The following WDR7 variants were observed in gnomAD, a reference collection of about 807,000 sequenced individuals.
WDR7 encodes the protein WD repeat-containing protein 7.
A neutral mutation model predicts 169.4 loss-of-function variants in WDR7; 46 were observed. The observed-to-expected ratio is 0.27, with a 90% CI of 0.21 to 0.35. WDR7 has a LOEUF of 0.35. Ranked by LOEUF, WDR7 falls within the 10% of genes least tolerant of loss-of-function variation. The probability of loss-of-function intolerance (pLI) is 1.00; values close to 1 mark genes in which losing one functional copy is unlikely to be tolerated. For missense variants in WDR7, 1,534 were observed against 1,859.3 expected, an observed-to-expected ratio of 0.83 and a Z score of 3.22; for synonymous variants, 612 against 666.8, an observed-to-expected ratio of 0.92 and a Z score of 1.27.
intron 13 of WDR7, among the ~76,000 whole-genome samples, chr18:56,719,231 G>A (rs183508723): frequency 1.3e-5 from 2 of 152,196 alleles, no homozygotes; most frequent in Admixed American, 1.3e-4. Context: ...TAACATTTTT[G>A]GCACATGTCT....
intron 19 of WDR7, among the ~76,000 whole-genome samples, chr18:56,807,474 G>T (rs774835267): frequency 1.1e-4 from 16 of 152,164 alleles, no homozygotes; most frequent in Middle Eastern, 6.8e-3. Flanking sequence ...GAAGCATCAG[G>T]CTTGATTTTT....
chr18:56,869,730 CTTTAT>C (rs745813047), intron 20 of WDR7, among the ~76,000 whole-genome samples: 13 of 152,126 alleles, frequency 8.5e-5, no homozygotes, highest in Non-Finnish European at 1.8e-4. Flanking sequence ...AACTTAAAAA[CTTTAT>C]TTTATTTACT....
intron 22 of WDR7, among the ~76,000 whole-genome samples, chr18:56,927,493 G>A (rs1278078700): frequency 6.6e-6 from 1 of 152,008 alleles, no homozygotes; most frequent in Admixed American, 6.6e-5. Flanking sequence ...ATACACCTGT[G>A]GTCCCAGCTA....
At chr18:56,968,422 C>G (rs1396074715) in intron 26 of WDR7, among the ~76,000 whole-genome samples, 1 of 152,158 alleles carries the variant, frequency 6.6e-6, no homozygotes, top group East Asian at 1.9e-4. Context: ...TTCAGTATTT[C>G]AGAATCATGT....
At chr18:56,713,394 G>A (rs1256862897) in intron 12 of WDR7, among the ~76,000 whole-genome samples, 1 of 152,014 alleles carries the variant, frequency 6.6e-6, no homozygotes, top group Non-Finnish European at 1.5e-5. Flanking sequence ...ATATGTATTT[G>A]TGCATCTATT....
chr18:57,030,449 A>G (rs1427656814), downstream of WDR7: 1 of 152,206 alleles, frequency 6.6e-6, no homozygotes, highest in Non-Finnish European at 1.5e-5. Context: ...ATGTTTTAAC[A>G]TCTCATGACT....
intron 26 of WDR7, among the ~76,000 whole-genome samples, chr18:56,977,444 A>G (rs1288974200): frequency 6.6e-6 from 1 of 152,196 alleles, no homozygotes; most frequent in Non-Finnish European, 1.5e-5. Context: ...CCGCTTCCCC[A>G]TGGCTTCATT....
chr18:56,718,287 ATTGT>A lies in WDR7; in HGVS notation c.1774+131_1774+134del, dbSNP rs1332691965. 1.3e-5 allele frequency: 13 copies of A among 1,020,356 alleles called. No individual in the cohort carries two copies. In the African/African-American group the frequency reaches 1.3e-4, roughly 10 times the overall value. The allele number at this position is 1,020,356 out of a possible 1,614,324, so 63.2% of individuals were successfully genotyped here. ...AAAATAGTTGCTACTTTTATTTCTAATTGTTTAAGTGGCCTCTTTTTTGTTCTGC... is the reference window on the plus strand; with the variant it reads ...AAAATAGTTGCTACTTTTATTTCTAATTAAGTGGCCTCTTTTTTGTTCTGC... On this transcript the variant is annotated intron_variant, in intron 13 of 27. Transcript: ENST00000254442.
chr18:57,012,043 G>A (rs986620141), intron 26 of WDR7, among the ~76,000 whole-genome samples: 1 of 152,182 alleles, frequency 6.6e-6, no homozygotes, highest in African/African-American at 2.4e-5. Flanking sequence ...GAGGCTGCTG[G>A]TGAGAGAGAT....
intron 7 of WDR7, among the ~76,000 whole-genome samples, chr18:56,689,345 C>T (rs1032614177): frequency 1.3e-5 from 2 of 152,212 alleles, no homozygotes; most frequent in Admixed American, 6.5e-5. Context: ...ACTGTAACCT[C>T]TGCCTCTCAG....
chr18:56,922,135 A>G (rs1349028257), intron 21 of WDR7, among the ~76,000 whole-genome samples: 1 of 152,220 alleles, frequency 6.6e-6, no homozygotes, highest in Admixed American at 6.5e-5. Context: ...TCCAAGAAGT[A>G]AAAAATAAAC....
intron 19 of WDR7, among the ~76,000 whole-genome samples, chr18:56,803,585 G>A (rs1005011556): frequency 7.2e-5 from 11 of 152,114 alleles, no homozygotes; most frequent in African/African-American, 2.4e-4. Context: ...TTTTAAAAAG[G>A]CATAAGTAAA....
rs530305459 is a variant in WDR7, at chr18:56,835,101, A to G, written c.3304+18957A>G. On this transcript the variant is annotated intron_variant, in intron 20 of 27. Coordinates refer to ENST00000254442, the MANE Select transcript of WDR7 (RefSeq NM_015285.3). ...ACTCAATATAAAGTAACCCTTTTGCAGTGTCTCATTAGCTCAGTGTTTAAG... is the reference window on the plus strand; with the variant it reads ...ACTCAATATAAAGTAACCCTTTTGCGGTGTCTCATTAGCTCAGTGTTTAAG... Among the ~76,000 whole-genome samples the G allele has an allele frequency of 2.0e-5, 3 of 152,294 alleles. No homozygotes were observed. The South Asian group carries it at 6.2e-4, about 32-fold the overall frequency.
At chr18:56,789,730 A>G (rs904065287) in intron 19 of WDR7, among the ~76,000 whole-genome samples, 1 of 152,154 alleles carries the variant, frequency 6.6e-6, no homozygotes, top group Non-Finnish European at 1.5e-5. Context: ...GTCTCTCCCT[A>G]TCTTTATACC....
intron 21 of WDR7, among the ~76,000 whole-genome samples, chr18:56,920,970 A>C (rs548541358): frequency 1.3e-5 from 2 of 152,288 alleles, no homozygotes; most frequent in East Asian, 3.9e-4. Context: ...GAAAGGAATA[A>C]ATTTAGCTAT....
At chr18:56,818,178 A>G (rs1475608887) in intron 20 of WDR7, among the ~76,000 whole-genome samples, 1 of 152,244 alleles carries the variant, frequency 6.6e-6, no homozygotes, top group Non-Finnish European at 1.5e-5. Flanking sequence ...GTAGTTGTTT[A>G]AGTCATAGCA....
rs2044318480 is a variant in WDR7 at position 56,781,577 on chromosome 18, A to G, written c.3111A>G (p.Arg1037=). 1.2e-6 allele frequency: 2 copies of G among 1,612,608 alleles called. No individual in the cohort carries two copies. Among genetic ancestry groups the G allele is most frequent in the Non-Finnish European group, 1.7e-6 (2 of 1,179,274 alleles). The change falls in exon 19 of 28, where the codon AGA becomes AGG. Residue 1037 remains arginine (R), a synonymous_variant. Coordinates refer to ENST00000254442, the MANE Select transcript of WDR7 (RefSeq NM_015285.3). ...AQALLLAELR[R]IEQAGRKEAI... Reference sequence around the variant, plus strand: ...CCCTGCTTCTGGCGGAACTGAGAAGAATTGAGCAGGCAGGCAGGAAGGAAG... The same window carrying G: ...CCCTGCTTCTGGCGGAACTGAGAAGGATTGAGCAGGCAGGCAGGAAGGAAG...
chr18:56,664,938 G>T (rs902314679), intron 1 of WDR7, among the ~76,000 whole-genome samples: 1 of 152,160 alleles, frequency 6.6e-6, no homozygotes, highest in African/African-American at 2.4e-5. Flanking sequence ...ATAAATACTT[G>T]TTAAAGTTAA....
chr18:56,652,571 C>G (rs2024679951), intron 1 of WDR7, among the ~76,000 whole-genome samples: 1 of 152,118 alleles, frequency 6.6e-6, no homozygotes. Flanking sequence ...GAAATGCCCT[C>G]ATTATTACAA....
Sources: allele counts gnomAD v4.1 joint callset (sites outside exome capture counted in the v4.1 genomes callset), GRCh38; gene constraint gnomAD v4.1.1; transcripts MANE v1.5; gene names NCBI Gene and HGNC (gene_info 2026-07-23, HGNC 2026-07-21).